PDGFC: variants seen among roughly 807,000 people sequenced by gnomAD.
PDGFC encodes platelet derived growth factor C.
A neutral mutation model predicts 35.5 loss-of-function variants in PDGFC; 12 were observed. The ratio of observed to expected loss-of-function variants is 0.34; its 90% CI spans 0.22 to 0.55. The LOEUF (loss-of-function observed/expected upper bound fraction) is 0.55. PDGFC is among the 20% of genes least tolerant of loss of function. The pLI, the probability that PDGFC is intolerant of heterozygous loss-of-function variation, is 0.91. For synonymous variants in PDGFC, 159 were observed against 148.8 expected (o/e 1.07, Z -0.50); for missense variants, 322 against 412.4 (o/e 0.78, Z 1.90).
intron 1 of PDGFC, among the ~76,000 whole-genome samples, chr4:156,856,290 T>A (rs905906996): frequency 1.3e-5 from 2 of 152,178 alleles, no homozygotes; most frequent in Non-Finnish European, 2.9e-5. Flanking sequence ...CCTGAGCTTA[T>A]CCCAGAAGAC....
intron 1 of PDGFC, among the ~76,000 whole-genome samples, chr4:156,906,406 T>C (rs1730916847): frequency 6.6e-6 from 1 of 152,150 alleles, no homozygotes; most frequent in African/African-American, 2.4e-5. Flanking sequence ...TTCTTTTATG[T>C]AGTGTAAAGT....
At chr4:156,848,238 C>T (rs543636261) in intron 2 of PDGFC, among the ~76,000 whole-genome samples, 1 of 151,750 alleles carries the variant, frequency 6.6e-6, no homozygotes, top group Non-Finnish European at 1.5e-5. Flanking sequence ...TCACACTTAC[C>T]CATATTACAA....
chr4:156,858,748 C>T (rs1729641306), intron 1 of PDGFC, among the ~76,000 whole-genome samples: 1 of 152,054 alleles, frequency 6.6e-6, no homozygotes, highest in Non-Finnish European at 1.5e-5. Context: ...ACTGTTGTGG[C>T]AAAAACTGGC....
At chr4:156,770,220 G>A (rs1006848406) in intron 4 of PDGFC, 4 of 151,952 alleles carry the variant, frequency 2.6e-5, no homozygotes, top group African/African-American at 9.7e-5. Flanking sequence ...TACTAGTTAA[G>A]CTTGACTTAG....
At chr4:156,910,864 T>C (rs939956646) in intron 1 of PDGFC, among the ~76,000 whole-genome samples, 3 of 152,206 alleles carry the variant, frequency 2.0e-5, no homozygotes, top group African/African-American at 7.2e-5. Context: ...TCTGTTCATG[T>C]CTTTTATCCA....
At position 156,824,327 on chromosome 4, in the gene PDGFC, T is replaced by TACACATAC. The variant is rs1553967645; in HGVS notation, c.315-13311_315-13310insGTATGTGT. On this transcript the variant is annotated intron_variant, in intron 2 of 5. Transcript: ENST00000502773. ...ATATATATATATATATATATATATA[T>TACACATAC]ACACACACACACACACACACACATA... 5.2e-3 allele frequency among the ~76,000 whole-genome samples: 532 copies of TACACATAC among 102,822 alleles called. 15 individuals carry two copies. The highest frequency in any genetic ancestry group is 0.014 in the African/African-American group (299 of 22,000). The allele number at this position is 102,822 out of a possible 152,430, so 67.5% of individuals were successfully genotyped here. A position where few individuals can be genotyped will look rare whatever the true frequency, so the allele number is the denominator to read the frequency against.
chr4:156,767,028 A>C (rs1310202606), intron 5 of PDGFC, among the ~76,000 whole-genome samples: 2 of 152,072 alleles, frequency 1.3e-5, no homozygotes, highest in African/African-American at 4.8e-5. Flanking sequence ...ACTTGGTCTA[A>C]TGTTAATGTT....
intron 1 of PDGFC, among the ~76,000 whole-genome samples, chr4:156,870,523 C>T (rs1181087186): frequency 1.3e-5 from 2 of 152,064 alleles, no homozygotes; most frequent in Non-Finnish European, 2.9e-5. Context: ...GGAATTAACT[C>T]TTCTCTATAA....
chr4:156,955,426 G>T (rs1732184686), intron 1 of PDGFC, among the ~76,000 whole-genome samples: 1 of 151,912 alleles, frequency 6.6e-6, no homozygotes, highest in Non-Finnish European at 1.5e-5. Context: ...GTGAGGTGAT[G>T]GATAAATTAA....
chr4:156,874,333 A>G (rs1488068977), intron 1 of PDGFC, among the ~76,000 whole-genome samples: 1 of 152,202 alleles, frequency 6.6e-6, no homozygotes, highest in African/African-American at 2.4e-5. Flanking sequence ...ATTATAGATC[A>G]TCAGCTCTGT....
intron 1 of PDGFC, among the ~76,000 whole-genome samples, chr4:156,957,687 G>T (rs1213154333): frequency 1.3e-5 from 2 of 151,936 alleles, no homozygotes; most frequent in Non-Finnish European, 2.9e-5. Context: ...TTGGCTGCCT[G>T]CATAGCTGGG....
At chr4:156,782,167 G>C (rs532991206) in intron 3 of PDGFC, among the ~76,000 whole-genome samples, 1 of 152,058 alleles carries the variant, frequency 6.6e-6, no homozygotes, top group African/African-American at 2.4e-5. Flanking sequence ...GGGAGAAATG[G>C]GCATTACACA....
rs542917845 is a variant in PDGFC, at chr4:156,963,638, G to T, written c.118+7148C>A. ...GGAAACAGGGCAAATAACCGTCCAG[G>T]GAGGAGCCTACTCAGTCACTAGGGG... On this transcript the variant is annotated intron_variant, in intron 1 of 5. Coordinates refer to ENST00000502773, the MANE Select transcript of PDGFC (RefSeq NM_016205.3). Among the ~76,000 whole-genome samples the T allele has an allele frequency of 1.1e-4, 16 of 152,202 alleles. No individual in the cohort carries two copies. The East Asian group carries it at 2.9e-3, about 28-fold the overall frequency.
chr4:156,910,845 T>C (rs1239379512), intron 1 of PDGFC, among the ~76,000 whole-genome samples: 1 of 152,182 alleles, frequency 6.6e-6, no homozygotes, highest in Non-Finnish European at 1.5e-5. Context: ...ATCCCTTTTC[T>C]GTGTAATGTC....
chr4:156,931,817 T>C (rs1054118569), intron 1 of PDGFC, among the ~76,000 whole-genome samples: 5 of 152,356 alleles, frequency 3.3e-5, no homozygotes, highest in South Asian at 4.1e-4. Context: ...TAGGAGTTTT[T>C]TTTTTGTTAA....
Position 156,797,217 on chromosome 4 carries a change from G to A in PDGFC, c.495+13620C>T, listed in dbSNP as rs142332126. Among the ~76,000 whole-genome samples the A allele has an allele frequency of 6.1e-3, 904 of 148,028 alleles. 14 individuals carry two copies. Among genetic ancestry groups the A allele is most frequent in the African/African-American group, 0.022 (863 of 39,986 alleles). ...CGCGCCACTGCACTCCACCCTGTGC[G>A]ACAGAGCGACAATCAGTCTAAAAAA... On this transcript the variant is annotated intron_variant, in intron 3 of 5. Transcript: ENST00000502773.
intron 1 of PDGFC, among the ~76,000 whole-genome samples, chr4:156,911,852 GC>G (rs1731047294): frequency 1.3e-5 from 2 of 152,250 alleles, no homozygotes; most frequent in East Asian, 3.9e-4. Context: ...GCGTTGGTAA[GC>G]AAAAGTTATA....
At chr4:156,820,361 T>C (rs1362598286) in intron 2 of PDGFC, among the ~76,000 whole-genome samples, 1 of 152,232 alleles carries the variant, frequency 6.6e-6, no homozygotes, top group African/African-American at 2.4e-5. Context: ...TCAAAGTTCA[T>C]TGTTGTCTTA....
At chr4:156,859,021 A>G (rs1269356295) in intron 1 of PDGFC, among the ~76,000 whole-genome samples, 4 of 152,078 alleles carry the variant, frequency 2.6e-5, no homozygotes, top group Admixed American at 6.6e-5. Context: ...AAATTTACCA[A>G]TGAAAGTAAC....
Sources: gnomAD v4.1 joint callset for allele counts (sites outside exome capture counted in the v4.1 genomes callset) on GRCh38, gnomAD v4.1.1 for gene constraint, MANE v1.5 for transcripts, NCBI Gene and HGNC (gene_info 2026-07-23, HGNC 2026-07-21) for gene names.